The following SNTG1 variants were observed in gnomAD, a reference collection of about 807,000 sequenced individuals.
SNTG1 encodes gamma-1-syntrophin.
A neutral mutation model predicts 74.7 loss-of-function variants in SNTG1; 39 were observed. That is an observed-to-expected ratio of 0.52 (90% CI 0.40 to 0.68). The LOEUF (loss-of-function observed/expected upper bound fraction) is 0.68. Among genes scored for constraint, SNTG1 ranks in the 30% least tolerant of loss-of-function variants. The pLI, the probability that SNTG1 is intolerant of heterozygous loss-of-function variation, is 0.00. For missense variants in SNTG1, 685 were observed against 609.5 expected (o/e 1.12, Z -1.30); for synonymous variants, 254 against 217.1 (o/e 1.17, Z -1.49).
At chr8:50,276,569 T>C (rs953957591) in intron 2 of SNTG1, among the ~76,000 whole-genome samples, 8 of 151,994 alleles carry the variant, frequency 5.3e-5, no homozygotes, top group Non-Finnish European at 8.8e-5. Context: ...CAGGACTCAT[T>C]TGGGCAAGAC....
intron 13 of SNTG1, among the ~76,000 whole-genome samples, chr8:50,612,879 G>A (rs775576365): frequency 2.6e-5 from 4 of 152,094 alleles, no homozygotes; most frequent in Non-Finnish European, 4.4e-5. Context: ...ATATCTTGCA[G>A]CAGATGTGAT....
chr8:50,624,156 C>A (rs6992739), intron 13 of SNTG1, among the ~76,000 whole-genome samples: 2 of 151,850 alleles, frequency 1.3e-5, no homozygotes, highest in African/African-American at 4.8e-5. Context: ...TGGTTATACA[C>A]ATAGTCATAT....
chr8:50,169,870 G>A (rs1023016395), intron 1 of SNTG1, among the ~76,000 whole-genome samples: 2 of 152,172 alleles, frequency 1.3e-5, no homozygotes, highest in African/African-American at 4.8e-5. Context: ...GAGCCGAGGA[G>A]TTAGAGGCTG....
chr8:50,378,382 G>A (rs769882349), intron 2 of SNTG1, among the ~76,000 whole-genome samples: 7 of 152,160 alleles, frequency 4.6e-5, no homozygotes, highest in South Asian at 4.1e-4. Context: ...AATACTGAAG[G>A]GCCACAGCTC....
intron 12 of SNTG1, among the ~76,000 whole-genome samples, chr8:50,578,890 T>G (rs542833378): frequency 9.9e-5 from 15 of 152,238 alleles, no homozygotes; most frequent in Non-Finnish European, 2.2e-4. Flanking sequence ...TGGACTAATA[T>G]AGTAAATTGG....
chr8:50,086,395 T>C (rs1290831714), intron 1 of SNTG1, among the ~76,000 whole-genome samples: 1 of 152,144 alleles, frequency 6.6e-6, no homozygotes, highest in Non-Finnish European at 1.5e-5. Flanking sequence ...ACTGAATTAA[T>C]TTAGAAAAAT....
At chr8:50,321,408 C>A (rs1360324114) in intron 2 of SNTG1, among the ~76,000 whole-genome samples, 1 of 152,040 alleles carries the variant, frequency 6.6e-6, no homozygotes, top group Non-Finnish European at 1.5e-5. Context: ...CCTTTATTAT[C>A]AGTCTATGTG....
intron 2 of SNTG1, among the ~76,000 whole-genome samples, chr8:50,197,070 C>G (rs921228064): frequency 9.2e-5 from 14 of 152,044 alleles, no homozygotes; most frequent in Admixed American, 3.3e-4. Flanking sequence ...CACTTTGCTA[C>G]TACTTGGTTT....
chr8:50,749,253 G>C (rs1458620407), intron 17 of SNTG1, among the ~76,000 whole-genome samples: 1 of 151,972 alleles, frequency 6.6e-6, no homozygotes, highest in African/African-American at 2.4e-5. Flanking sequence ...CTAATCCAGG[G>C]GAAGGCTCTC....
At chr8:50,450,066 T>G in intron 6 of SNTG1, among the ~76,000 whole-genome samples, 1 of 152,244 alleles carries the variant, frequency 6.6e-6, no homozygotes, top group Non-Finnish European at 1.5e-5. Flanking sequence ...CAAGTGTCTG[T>G]TTTTCAGTTC....
chr8:50,291,742 A>G (rs1201132922), intron 2 of SNTG1, among the ~76,000 whole-genome samples: 2 of 152,206 alleles, frequency 1.3e-5, no homozygotes, highest in African/African-American at 2.4e-5. Context: ...GTAGAGACCA[A>G]TTGGAGGGGT....
chr8:50,129,864 C>G (rs2081263124), intron 1 of SNTG1, among the ~76,000 whole-genome samples: 1 of 152,094 alleles, frequency 6.6e-6, no homozygotes, highest in South Asian at 2.1e-4. Context: ...TCTCCAACCC[C>G]TGATCTCAAG....
At chr8:50,276,106 C>T (rs1194966371) in intron 2 of SNTG1, among the ~76,000 whole-genome samples, 2 of 152,198 alleles carry the variant, frequency 1.3e-5, no homozygotes, top group South Asian at 2.1e-4. Context: ...CCAGAGACAT[C>T]TAGAAGCATA....
intron 2 of SNTG1, among the ~76,000 whole-genome samples, chr8:50,388,793 G>C (rs2092613143): frequency 6.6e-6 from 1 of 152,194 alleles, no homozygotes; most frequent in South Asian, 2.1e-4. Context: ...AAAGTGAGTT[G>C]ATTATATATA....
chr8:50,243,475 A>G (rs955017385), intron 2 of SNTG1, among the ~76,000 whole-genome samples: 7 of 151,916 alleles, frequency 4.6e-5, no homozygotes, highest in Middle Eastern at 3.4e-3. Context: ...AGAAATAAAA[A>G]CTCTCCGGAT....
intron 2 of SNTG1, among the ~76,000 whole-genome samples, chr8:50,222,449 C>T (rs1395239116): frequency 6.6e-6 from 1 of 152,110 alleles, no homozygotes; most frequent in Non-Finnish European, 1.5e-5. Context: ...AAGATGGTTT[C>T]CCCATCATGT....
chr8:50,604,230 G>A (rs544979430), intron 13 of SNTG1, among the ~76,000 whole-genome samples: 1 of 152,086 alleles, frequency 6.6e-6, no homozygotes, highest in East Asian at 1.9e-4. Context: ...ATCATCCTGG[G>A]CACTTGATGA....
At chr8:50,731,677 A>C (rs1345800283) in intron 17 of SNTG1, among the ~76,000 whole-genome samples, 1 of 152,136 alleles carries the variant, frequency 6.6e-6, no homozygotes, top group African/African-American at 2.4e-5. Flanking sequence ...TTTGCATTAC[A>C]GAGCAATGTA....
chr8:50,449,442 T>A (rs16914913), intron 5 of SNTG1, among the ~76,000 whole-genome samples: 1 of 152,148 alleles, frequency 6.6e-6, no homozygotes, highest in East Asian at 1.9e-4. Flanking sequence ...TGTTGATAAA[T>A]GAAAACTTTC....
Sources: allele counts gnomAD v4.1 joint callset (sites outside exome capture counted in the v4.1 genomes callset), GRCh38; gene constraint gnomAD v4.1.1; transcripts MANE v1.5; gene names NCBI Gene and HGNC (gene_info 2026-07-23, HGNC 2026-07-21).